Variants in TRERF1 observed in about 807,000 individuals in gnomAD.
TRERF1 encodes transcriptional regulating factor 1.
Under a neutral mutation model 122.9 loss-of-function variants are expected in TRERF1, and 27 were observed. The ratio of observed to expected loss-of-function variants is 0.22; its 90% CI spans 0.16 to 0.30. The LOEUF (loss-of-function observed/expected upper bound fraction) is 0.30, where lower values mean the gene tolerates loss of function less well. Ranked by LOEUF, TRERF1 falls within the 10% of genes least tolerant of loss-of-function variation. TRERF1 has a pLI of 1.00. For missense variants in TRERF1, 1,248 were observed against 1,560.3 expected (o/e 0.80, Z 3.37); for synonymous variants, 636 against 641.7 (o/e 0.99, Z 0.13).
intron 13 of TRERF1, among the ~76,000 whole-genome samples, chr6:42,248,153 A>G (rs952847694): frequency 1.3e-5 from 2 of 152,106 alleles, no homozygotes; most frequent in African/African-American, 4.8e-5. Flanking sequence ...TGGGGAGCCT[A>G]GGGTCCTTAG....
chr6:42,438,784 G>C (rs1309539827), intron 2 of TRERF1, among the ~76,000 whole-genome samples: 1 of 152,156 alleles, frequency 6.6e-6, no homozygotes, highest in Non-Finnish European at 1.5e-5. Context: ...GGTACGAGTT[G>C]AGAAGGACAG....
chr6:42,341,142 A>G (rs1332146050), intron 3 of TRERF1, among the ~76,000 whole-genome samples: 1 of 152,242 alleles, frequency 6.6e-6, no homozygotes, highest in African/African-American at 2.4e-5. Context: ...AAGAAACAAG[A>G]GGACTGACAG....
chr6:42,266,804 G>A (rs777281370), intron 5 of TRERF1, among the ~76,000 whole-genome samples: 1 of 152,212 alleles, frequency 6.6e-6, no homozygotes, highest in South Asian at 2.1e-4. Flanking sequence ...TGCACAAGAT[G>A]AACCGGCCTG....
intron 2 of TRERF1, among the ~76,000 whole-genome samples, chr6:42,394,718 C>T (rs756834406): frequency 2.0e-4 from 30 of 152,088 alleles, no homozygotes; most frequent in Middle Eastern, 3.4e-3. Context: ...TTCATTTATA[C>T]TCAGGCTGAA....
At chr6:42,288,953 CTGTGTGTGTGTGTGTGTG>C (rs3074800) in intron 4 of TRERF1, among the ~76,000 whole-genome samples, 38 of 144,414 alleles carry the variant, frequency 2.6e-4, no homozygotes, top group African/African-American at 5.2e-4. Flanking sequence ...ATCTTGAACT[CTGTGTGTGTGTGTGTGTG>C]TGTGTGTGTG....
At chr6:42,236,109 G>T in intron 16 of TRERF1, 96 bp downstream of exon 16, 1 of 1,469,840 alleles carries the variant, frequency 6.8e-7, no homozygotes, top group Non-Finnish European at 9.0e-7. Context: ...GTGACTGTTG[G>T]AAGAGCACTC....
chr6:42,273,831 T>A (rs1398343408), intron 4 of TRERF1, among the ~76,000 whole-genome samples: 1 of 152,212 alleles, frequency 6.6e-6, no homozygotes, highest in African/African-American at 2.4e-5. Context: ...TCAGGAAGAA[T>A]TACTTGTTGA....
At chr6:42,438,662 T>C (rs1231760362) in intron 2 of TRERF1, among the ~76,000 whole-genome samples, 2 of 152,054 alleles carry the variant, frequency 1.3e-5, no homozygotes, top group East Asian at 3.9e-4. Flanking sequence ...CTTGTGCTTT[T>C]CCAAATTCTG....
At chr6:42,299,094 A>ATCTATCTATCTATCTATCTG (rs1323308910) in intron 4 of TRERF1, among the ~76,000 whole-genome samples, 15 of 143,148 alleles carry the variant, frequency 1.0e-4, no homozygotes, top group African/African-American at 3.6e-4. Flanking sequence ...CTATCTATCT[A>ATCTATCTATCTATCTATCTG]TCTGTCTGTC....
chr6:42,433,111 G>A (rs1256668275), intron 2 of TRERF1, among the ~76,000 whole-genome samples: 2 of 152,134 alleles, frequency 1.3e-5, no homozygotes, highest in Non-Finnish European at 2.9e-5. Flanking sequence ...AAAGGGAGGT[G>A]CAGTGAGGTG....
intron 3 of TRERF1, among the ~76,000 whole-genome samples, chr6:42,357,926 T>C (rs530212937): frequency 1.3e-5 from 2 of 152,332 alleles, no homozygotes; most frequent in East Asian, 3.9e-4. Flanking sequence ...GTCACACTAT[T>C]TTGGCAGTTC....
chr6:42,408,283 A>T (rs9462801), intron 2 of TRERF1, among the ~76,000 whole-genome samples: 79 of 61,516 alleles, frequency 1.3e-3, no homozygotes, highest in African/African-American at 4.7e-3. Context: ...ATATACATAC[A>T]CATGTGTGTG....
Position 42,228,005 on chromosome 6 carries a change from T to G in TRERF1, c.*340A>C. Reference sequence around the variant, plus strand: ...CACACACACACACTCACAGCAAGCTTTGGGATAAAAGGCAACCGGGATGGT... The same window carrying G: ...CACACACACACACTCACAGCAAGCTGTGGGATAAAAGGCAACCGGGATGGT... On this transcript the variant is annotated 3_prime_UTR_variant, in exon 18 of 18. Transcript: ENST00000372922. This position sits in a 1 kb window ranked among gnomAD's most constrained non-coding sequence, Gnocchi z 4.2. 5.0e-6 allele frequency: 1 copy of G among 201,164 alleles called. No homozygotes were observed. 12.5% of individuals were successfully genotyped at this position (201,164 alleles called of 1,614,324 possible).
intron 2 of TRERF1, among the ~76,000 whole-genome samples, chr6:42,378,649 G>T (rs1775338248): frequency 6.6e-6 from 1 of 152,158 alleles, no homozygotes; most frequent in Non-Finnish European, 1.5e-5. Flanking sequence ...CCATCTGCAT[G>T]GATCCCTAGG....
At position 42,268,586 on chromosome 6, in the gene TRERF1, G is replaced by T. The variant is rs745349089; in HGVS notation, c.1005C>A (p.His335Gln). ...TCTGTTGCTGCTGCTGCTCTTGCAA[G>T]TGCTGCATCATGGGTTGGGGCTGAT... Residue 335 changes from histidine to glutamine, a missense_variant, in exon 5 of 18, where the codon CAC becomes CAA. Coordinates refer to ENST00000372922, the Ensembl canonical transcript of TRERF1. This position sits in a 1 kb window ranked among gnomAD's most constrained non-coding sequence, Gnocchi z 4.4. 1.9e-6 allele frequency: 3 copies of T among 1,614,028 alleles called. No individual in the cohort carries two copies. The East Asian group carries it at 6.7e-5, about 36-fold the overall frequency.
intron 2 of TRERF1, among the ~76,000 whole-genome samples, chr6:42,405,183 ATT>A (rs1779986668): frequency 6.6e-6 from 1 of 152,204 alleles, no homozygotes; most frequent in African/African-American, 2.4e-5. Flanking sequence ...AAGTCTTACA[ATT>A]GGGAAGGGAA....
At chr6:42,452,084 C>G (rs551004852), upstream of TRERF1, 1 of 152,440 alleles carries the variant, frequency 6.6e-6, no homozygotes, top group African/African-American at 2.4e-5. Context: ...CCGGTACCCC[C>G]CTTTTTTCAC....
intron 13 of TRERF1, 133 bp downstream of exon 13, chr6:42,254,718 C>G: frequency 1.2e-6 from 1 of 804,734 alleles, no homozygotes; most frequent in Non-Finnish European, 2.1e-6. Context: ...TAGCTCTGCC[C>G]TAGGAGGCCT....
chr6:42,399,353 G>GA (rs1461384141), intron 2 of TRERF1, among the ~76,000 whole-genome samples: 9 of 152,134 alleles, frequency 5.9e-5, no homozygotes, highest in Non-Finnish European at 7.3e-5. Context: ...TGATCAAAGA[G>GA]AAAGTATAGA....
Sources: allele counts gnomAD v4.1 joint callset (sites outside exome capture counted in the v4.1 genomes callset), GRCh38; gene constraint gnomAD v4.1.1; non-coding constraint Gnocchi (gnomAD v3.1); transcripts MANE v1.5; gene names NCBI Gene and HGNC (gene_info 2026-07-23, HGNC 2026-07-21).